The following ANOS1 variants were observed in gnomAD, a reference collection of about 807,000 sequenced individuals.
The protein encoded by ANOS1 is anosmin 1, also known as anosmin-1.
Under a neutral mutation model 59.0 loss-of-function variants are expected in ANOS1, and 6 were observed. The observed-to-expected ratio is 0.10, with a 90% confidence interval of 0.06 to 0.20. The LOEUF (loss-of-function observed/expected upper bound fraction) is 0.20, where lower values mean the gene tolerates loss of function less well. ANOS1 is among the 10% of genes least tolerant of loss of function. The probability of loss-of-function intolerance (pLI) is 1.00; values close to 1 mark genes in which losing one functional copy is unlikely to be tolerated. For synonymous variants in ANOS1, 217 were observed against 223.4 expected, an observed-to-expected ratio of 0.97 and a Z score of 0.25; for missense variants, 433 against 542.3, an observed-to-expected ratio of 0.80 and a Z score of 2.00.
At chrX:8,560,882 T>G (rs1019553461) in intron 8 of ANOS1, among the ~76,000 whole-genome samples, 1 of 112,610 alleles carries the variant, frequency 8.9e-6, no homozygotes, top group African/African-American at 3.2e-5. Context: ...TACATAGAAA[T>G]TCTGCCCTTT....
chrX:8,534,293 G>A (rs1601944183), intron 13 of ANOS1, 26 bp downstream of exon 13: 2 of 1,207,208 alleles, frequency 1.7e-6, no homozygotes, highest in Non-Finnish European at 1.1e-6. Context: ...TGACAGGATG[G>A]CTTAATGCCC....
chrX:8,578,019 A>G (rs1930358238), intron 6 of ANOS1, among the ~76,000 whole-genome samples: 1 of 111,754 alleles, frequency 8.9e-6, no homozygotes, highest in Non-Finnish European at 1.9e-5. Context: ...AAACATGCAC[A>G]TGTGCACATG....
At chrX:8,628,534 C>T (rs1032351204) in intron 2 of ANOS1, among the ~76,000 whole-genome samples, 1 of 111,810 alleles carries the variant, frequency 8.9e-6, no homozygotes, top group African/African-American at 3.3e-5. Context: ...TACCTTGTGA[C>T]AACCCCACAT....
intron 2 of ANOS1, among the ~76,000 whole-genome samples, chrX:8,650,308 A>G (rs947203398): frequency 8.9e-6 from 1 of 112,707 alleles, no homozygotes; most frequent in African/African-American, 3.2e-5. Flanking sequence ...CAGGAGGAGA[A>G]TCTGAACATG....
intron 9 of ANOS1, among the ~76,000 whole-genome samples, chrX:8,549,018 C>A (rs946871257): frequency 2.7e-5 from 3 of 112,081 alleles, no homozygotes; most frequent in Admixed American, 1.9e-4. Flanking sequence ...GGCCCAGGGT[C>A]CAAGTCACTA....
At position 8,532,152 on chromosome X, in the gene ANOS1, C is replaced by T. The variant is rs1929510886; in HGVS notation, c.*843G>A. 1 of 111,854 alleles carries T rather than the reference C, an allele frequency of 8.9e-6. No homozygotes were observed. Among genetic ancestry groups the T allele is most frequent in the African/African-American group, 3.2e-5 (1 of 30,834 alleles). The allele number at this position is 111,854 out of a possible 1,213,427, so 9.2% of individuals were successfully genotyped here. On this transcript the variant is annotated 3_prime_UTR_variant, in exon 14 of 14. Transcript: ENST00000262648. Reference sequence around the variant, plus strand: ...TGAAGCAAGAAGTTTTGTGAATTTTCAGATGGTGAAACAAAAGTGCACCAA... The same window carrying T: ...TGAAGCAAGAAGTTTTGTGAATTTTTAGATGGTGAAACAAAAGTGCACCAA...
At chrX:8,552,020 A>G (rs891644497) in intron 9 of ANOS1, among the ~76,000 whole-genome samples, 3 of 112,581 alleles carry the variant, frequency 2.7e-5, no homozygotes, top group African/African-American at 9.7e-5. Context: ...AAAAGCACTC[A>G]TGCAGGACAG....
chrX:8,642,602 A>T (rs1260890540), intron 2 of ANOS1, among the ~76,000 whole-genome samples: 1 of 112,314 alleles, frequency 8.9e-6, no homozygotes, highest in East Asian at 2.8e-4. Flanking sequence ...ACAATAATTA[A>T]AAATGTACTG....
chrX:8,606,855 C>T (rs1183775760), intron 3 of ANOS1, among the ~76,000 whole-genome samples: 1 of 112,903 alleles, frequency 8.9e-6, no homozygotes, highest in African/African-American at 3.2e-5. Context: ...TGGTGGCTCA[C>T]GCCTGTAATC....
At chrX:8,691,651 T>C (rs1037337497) in intron 2 of ANOS1, among the ~76,000 whole-genome samples, 2 of 112,374 alleles carry the variant, frequency 1.8e-5, no homozygotes, top group Non-Finnish European at 3.8e-5. Flanking sequence ...AGACAAAATG[T>C]ATTTGCATTT....
chrX:8,707,378 G>C (rs1239187650), intron 1 of ANOS1, among the ~76,000 whole-genome samples: 1 of 111,862 alleles, frequency 8.9e-6, no homozygotes, highest in Non-Finnish European at 1.9e-5. Context: ...ATCTTCTCTG[G>C]ATGGAGCTTT....
At chrX:8,648,526 G>A (rs926778657) in intron 2 of ANOS1, among the ~76,000 whole-genome samples, 4 of 109,359 alleles carry the variant, frequency 3.7e-5, no homozygotes, top group Admixed American at 2.0e-4. Context: ...AATTTAACTG[G>A]ATGAAGTAAA....
At chrX:8,541,414 C>CA (rs1342209991) in intron 9 of ANOS1, among the ~76,000 whole-genome samples, 4 of 101,613 alleles carry the variant, frequency 3.9e-5, no homozygotes, top group African/African-American at 1.4e-4. Context: ...CCACCACCCC[C>CA]CCCCCAAAAA....
At chrX:8,625,909 G>C (rs1036815057) in intron 2 of ANOS1, among the ~76,000 whole-genome samples, 1 of 109,372 alleles carries the variant, frequency 9.1e-6, no homozygotes, top group Non-Finnish European at 1.9e-5. Flanking sequence ...TCAGGAGATC[G>C]AGACCATCCT....
chrX:8,661,753 G>C (rs951939625), intron 2 of ANOS1, among the ~76,000 whole-genome samples: 1 of 111,652 alleles, frequency 9.0e-6, no homozygotes, highest in Admixed American at 9.5e-5. Flanking sequence ...GATGGTCCTG[G>C]GCAAGCACAG....
intron 2 of ANOS1, among the ~76,000 whole-genome samples, chrX:8,646,359 T>C (rs189698298): frequency 3.1e-4 from 34 of 110,844 alleles, no homozygotes; most frequent in Non-Finnish European, 5.1e-4. Flanking sequence ...CCATCACCTG[T>C]AGTAGCCGCC....
chrX:8,662,507 T>C (rs1356161971), intron 2 of ANOS1, among the ~76,000 whole-genome samples: 4 of 112,157 alleles, frequency 3.6e-5, no homozygotes, highest in Non-Finnish European at 7.5e-5. Context: ...TGTGCTCCAA[T>C]AACATTTCAT....
At chrX:8,594,689 T>C (rs76047084) in intron 4 of ANOS1, among the ~76,000 whole-genome samples, 13 of 54,572 alleles carry the variant, frequency 2.4e-4, no homozygotes, top group Non-Finnish European at 3.6e-4. Flanking sequence ...TATATATATA[T>C]ATATATATAC....
chrX:8,602,892 C>T (rs919355263), intron 3 of ANOS1, among the ~76,000 whole-genome samples: 1 of 111,024 alleles, frequency 9.0e-6, no homozygotes, highest in East Asian at 2.8e-4. Flanking sequence ...GCATGCGCCA[C>T]CATGTCCAGC....
Sources: gnomAD v4.1 joint callset for allele counts (sites outside exome capture counted in the v4.1 genomes callset) on GRCh38, gnomAD v4.1.1 for gene constraint, MANE v1.5 for transcripts, NCBI Gene and HGNC (gene_info 2026-07-23, HGNC 2026-07-21) for gene names.